GRM7: variants seen among roughly 807,000 people sequenced by gnomAD.
GRM7 encodes the protein glutamate metabotropic receptor 7.
GRM7 carries 35 observed loss-of-function variants against 84.5 expected under a neutral mutation model. The observed-to-expected ratio is 0.41, with a 90% CI of 0.32 to 0.55. The LOEUF is 0.55. GRM7 is among the 20% of genes least tolerant of loss of function. GRM7 has a pLI of 0.19. For synonymous variants in GRM7, 487 were observed against 455.1 expected, an observed-to-expected ratio of 1.07 and a Z score of -0.89; for missense variants, 1,003 against 1,194.6, an observed-to-expected ratio of 0.84 and a Z score of 2.36.
At chr3:7,436,511 T>C (rs994912613) in intron 5 of GRM7, among the ~76,000 whole-genome samples, 5 of 152,206 alleles carry the variant, frequency 3.3e-5, no homozygotes, top group Non-Finnish European at 7.3e-5. Flanking sequence ...CTTAGCTCAT[T>C]GATTTGCAGC....
At chr3:6,938,054 A>T (rs372495799) in intron 1 of GRM7, among the ~76,000 whole-genome samples, 1 of 152,204 alleles carries the variant, frequency 6.6e-6, no homozygotes, top group Non-Finnish European at 1.5e-5. Context: ...CCAGTGCACA[A>T]GTTAGGTTGT....
intron 8 of GRM7, among the ~76,000 whole-genome samples, chr3:7,668,080 G>A (rs755250553): frequency 1.3e-5 from 2 of 152,140 alleles, no homozygotes; most frequent in Non-Finnish European, 2.9e-5. Context: ...TATGCTTTAT[G>A]GTTTAGTGAA....
At chr3:7,339,948 A>G (rs1701574431) in intron 4 of GRM7, among the ~76,000 whole-genome samples, 1 of 152,168 alleles carries the variant, frequency 6.6e-6, no homozygotes, top group South Asian at 2.1e-4. Context: ...CTTTAAATGT[A>G]ATTATCTAGG....
chr3:7,069,864 G>A (rs1262659524), intron 1 of GRM7, among the ~76,000 whole-genome samples: 2 of 152,062 alleles, frequency 1.3e-5, no homozygotes, highest in South Asian at 2.1e-4. Flanking sequence ...TCCTAGTGGT[G>A]ACTTAACCCA....
chr3:6,938,788 T>A (rs1393164549), intron 1 of GRM7, among the ~76,000 whole-genome samples: 1 of 152,220 alleles, frequency 6.6e-6, no homozygotes, highest in Non-Finnish European at 1.5e-5. Flanking sequence ...TGAAGGAGAC[T>A]GGTTGTAATG....
chr3:7,089,911 C>T (rs747449415), intron 1 of GRM7, among the ~76,000 whole-genome samples: 5 of 152,056 alleles, frequency 3.3e-5, no homozygotes, highest in East Asian at 1.9e-4. Flanking sequence ...GGCATGATCT[C>T]GGCTCACTGC....
chr3:7,702,236 A>G (rs1040036394), intron 9 of GRM7, among the ~76,000 whole-genome samples: 8 of 152,220 alleles, frequency 5.3e-5, no homozygotes, highest in African/African-American at 1.9e-4. Context: ...CTCAAATTTT[A>G]ATGTCCATAC....
At chr3:7,059,868 A>G (rs557156172) in intron 1 of GRM7, among the ~76,000 whole-genome samples, 1 of 151,796 alleles carries the variant, frequency 6.6e-6, no homozygotes, top group East Asian at 1.9e-4. Flanking sequence ...TAGTTCTTTC[A>G]TCTTGAGCTC....
chr3:7,416,619 A>G lies in GRM7; in HGVS notation c.1174+1456A>G, dbSNP rs78711421. Reference sequence around the variant, plus strand: ...AGAAATGTACAACATATGACCAGAAACATGAATAACAATAATGATATAAAA... The same window carrying G: ...AGAAATGTACAACATATGACCAGAAGCATGAATAACAATAATGATATAAAA... On this transcript the variant is annotated intron_variant, in intron 5 of 9. Coordinates refer to ENST00000357716, the MANE Select transcript of GRM7 (RefSeq NM_000844.4). Among the ~76,000 whole-genome samples the G allele has an allele frequency of 3.5e-3, 538 of 152,256 alleles. 6 individuals carry two copies. The highest frequency in any genetic ancestry group is 0.023 in the South Asian group (112 of 4,822).
intron 7 of GRM7, among the ~76,000 whole-genome samples, chr3:7,476,484 T>C (rs549337406): frequency 6.6e-6 from 1 of 152,198 alleles, no homozygotes; most frequent in East Asian, 1.9e-4. Flanking sequence ...GAAGCAGAGG[T>C]TGCAGTGAGC....
intron 1 of GRM7, among the ~76,000 whole-genome samples, chr3:7,010,475 G>A (rs1559382166): frequency 6.6e-6 from 1 of 152,172 alleles, no homozygotes; most frequent in Non-Finnish European, 1.5e-5. Flanking sequence ...AAGTGGGAGG[G>A]AGAGATTCTG....
At chr3:7,553,220 A>G (rs185478257) in intron 7 of GRM7, among the ~76,000 whole-genome samples, 6 of 152,312 alleles carry the variant, frequency 3.9e-5, no homozygotes, top group East Asian at 1.9e-4. Context: ...CTTTGATCCA[A>G]TTCCCAACAA....
At chr3:7,375,529 A>G (rs1015529945) in intron 4 of GRM7, among the ~76,000 whole-genome samples, 23 of 152,066 alleles carry the variant, frequency 1.5e-4, no homozygotes, top group Admixed American at 8.5e-4. Flanking sequence ...CCTTCTTTAC[A>G]TATGTTTCCT....
intron 2 of GRM7, among the ~76,000 whole-genome samples, chr3:7,162,032 A>T (rs1376512308): frequency 6.6e-6 from 1 of 152,200 alleles, no homozygotes; most frequent in Non-Finnish European, 1.5e-5. Context: ...GTATATATTT[A>T]GGTTGTGAAC....
chr3:7,159,973 T>G (rs905777753), intron 2 of GRM7, among the ~76,000 whole-genome samples: 2 of 152,184 alleles, frequency 1.3e-5, no homozygotes, highest in Non-Finnish European at 2.9e-5. Flanking sequence ...CATGCTATTA[T>G]GAAAAGCATG....
intron 9 of GRM7, among the ~76,000 whole-genome samples, chr3:7,686,918 C>T (rs1300016212): frequency 2.6e-5 from 4 of 152,172 alleles, no homozygotes; most frequent in East Asian, 1.9e-4. Context: ...GAAGTGTACA[C>T]ATTCCTAAAA....
Position 7,053,629 on chromosome 3 carries a change from T to TTATCC in GRM7, c.520-92821_520-92817dup, listed in dbSNP as rs531674554. Among the ~76,000 whole-genome samples the TTATCC allele has an allele frequency of 8.6e-4, 130 of 151,740 alleles. 2 individuals carry two copies. The East Asian group carries it at 0.021, about 25-fold the overall frequency. On this transcript the variant is annotated intron_variant, in intron 1 of 9. Transcript: ENST00000357716. ...GTTTCAGCATCATTTGTTAAAAATG[T>TTATCC]TATCCTTGTTTTGGTTGATTGCCTT...
chr3:7,590,455 T>TGACAGA lies in GRM7; in HGVS notation c.2451+11101_2451+11106dup, dbSNP rs376695427. ...CTACAAAGACAGAGTTGAATAGCTG[T>TGACAGA]GACAGAGATTATATGACCTGCAAAG... On this transcript the variant is annotated intron_variant, in intron 8 of 9. Coordinates refer to ENST00000357716, the MANE Select transcript of GRM7 (RefSeq NM_000844.4). 1.4e-3 allele frequency among the ~76,000 whole-genome samples: 220 copies of TGACAGA among 152,298 alleles called. 1 individual carries two copies. The highest frequency in any genetic ancestry group is 4.8e-3 in the African/African-American group (199 of 41,570).
Position 7,579,365 on chromosome 3 carries a change from A to T in GRM7, c.2451+8A>T. On this transcript the variant is annotated splice_region_variant and intron_variant, in intron 8 of 9. Transcript: ENST00000357716. ...GCTCAATCAGCGGAAAAGGTAAGTG[A>T]AAATGCACATCATAATATGTTTTTT... is the stretch of plus-strand genomic sequence containing the variant. 1 of 1,462,844 alleles carries T rather than the reference A, an allele frequency of 6.8e-7. No individual in the cohort carries two copies. The highest frequency in any genetic ancestry group is 9.3e-7 in the Non-Finnish European group (1 of 1,074,470). The allele number at this position is 1,462,844 out of a possible 1,614,324, so 90.6% of individuals were successfully genotyped here.
Sources: allele counts gnomAD v4.1 joint callset (sites outside exome capture counted in the v4.1 genomes callset), GRCh38; gene constraint gnomAD v4.1.1; transcripts MANE v1.5; gene names NCBI Gene and HGNC (gene_info 2026-07-23, HGNC 2026-07-21).